ABCC6: variants seen among roughly 807,000 people sequenced by gnomAD.
ABCC6 encodes ATP binding cassette subfamily C member 6, also known as ATP-binding cassette sub-family C member 6.
In ABCC6, 126 loss-of-function variants were observed where a neutral mutation model predicts 169.5. The ratio of observed to expected loss-of-function variants is 0.74; its 90% CI spans 0.64 to 0.86. The LOEUF is 0.86. Among genes scored for constraint, ABCC6 ranks in the 40% least tolerant of loss-of-function variants. ABCC6 has a pLI of 0.00. For synonymous variants in ABCC6, 752 were observed against 814.7 expected, an observed-to-expected ratio of 0.92 and a Z score of 1.31; for missense variants, 1,733 against 1,927.2, an observed-to-expected ratio of 0.90 and a Z score of 1.89.
chr16:16,158,733 T>C (rs1161324006), intron 26 of ABCC6, among the ~76,000 whole-genome samples: 1 of 152,224 alleles, frequency 6.6e-6, no homozygotes, highest in African/African-American at 2.4e-5. Flanking sequence ...TACTGTTACA[T>C]TGCCATGTTG....
chr16:16,156,091 T>A (rs1314391968), intron 27 of ABCC6, among the ~76,000 whole-genome samples: 1 of 152,162 alleles, frequency 6.6e-6, no homozygotes, highest in Admixed American at 6.5e-5. Flanking sequence ...AATTTTTGTA[T>A]TTTTAGTAGA....
chr16:16,184,673 C>T (rs527742552), intron 15 of ABCC6, among the ~76,000 whole-genome samples: 2 of 152,242 alleles, frequency 1.3e-5, no homozygotes, highest in African/African-American at 4.8e-5. Context: ...CCCTTGGCAT[C>T]GTCTTGGCCA....
intron 11 of ABCC6, among the ~76,000 whole-genome samples, chr16:16,191,286 T>G (rs1343320915): frequency 1.3e-5 from 2 of 152,058 alleles, no homozygotes; most frequent in African/African-American, 4.8e-5. Flanking sequence ...CGGCTAAATT[T>G]TGTATTTTTT....
intron 9 of ABCC6, among the ~76,000 whole-genome samples, chr16:16,198,632 T>C (rs1043538404): frequency 5.3e-5 from 8 of 151,872 alleles, no homozygotes; most frequent in Non-Finnish European, 1.0e-4. Context: ...GAGGATTGCT[T>C]GATCCCAGGA....
At chr16:16,221,889 C>A (rs1252399141) in intron 1 of ABCC6, 58 bp from the exon 2 acceptor site, 1 of 1,611,908 alleles carries the variant, frequency 6.2e-7, no homozygotes, top group East Asian at 2.2e-5. Flanking sequence ...CCCAGCTCAC[C>A]TGCCCAGGGG....
chr16:16,187,074 C>T (rs763830752), intron 14 of ABCC6, 50 bp downstream of exon 14: 1 of 1,523,288 alleles, frequency 6.6e-7, no homozygotes, highest in Non-Finnish European at 9.0e-7. Flanking sequence ...TGGGGTGGCC[C>T]CCACATCCCC....
rs542611615 is a variant in ABCC6, at chr16:16,200,993, G to T, written c.1176+1008C>A. 1.9e-4 allele frequency among the ~76,000 whole-genome samples: 29 copies of T among 152,174 alleles called. No homozygotes were observed. In the South Asian group the frequency reaches 5.6e-3, roughly 29 times the overall value. On this transcript the variant is annotated intron_variant, in intron 9 of 30. Coordinates refer to ENST00000205557, the MANE Select transcript of ABCC6 (RefSeq NM_001171.6). ...TGTTTTTTTTTTGTTCTGAGACGAG[G>T]TCTCGCTCTCTTACCCAGGCTGCGC...
intron 10 of ABCC6, among the ~76,000 whole-genome samples, chr16:16,195,920 T>C (rs2048022343): frequency 6.6e-6 from 1 of 152,040 alleles, no homozygotes; most frequent in South Asian, 2.1e-4. Flanking sequence ...CATTAACAGT[T>C]TTTACAAGGC....
At chr16:16,212,716 G>T (rs995438981) in intron 5 of ABCC6, among the ~76,000 whole-genome samples, 2 of 151,940 alleles carry the variant, frequency 1.3e-5, no homozygotes, top group Non-Finnish European at 2.9e-5. Flanking sequence ...GTAAAAAGAG[G>T]TTGGGCCACA....
chr16:16,150,117 G>A lies in ABCC6; in HGVS notation c.*16C>T, dbSNP rs532797500. 22 of 1,611,858 alleles carry A rather than the reference G, an allele frequency of 1.4e-5. No homozygotes were observed. Among genetic ancestry groups the A allele is most frequent in the East Asian group, 8.9e-5 (4 of 44,884 alleles). On this transcript the variant is annotated 3_prime_UTR_variant, in exon 31 of 31. Transcript: ENST00000205557. ...GTGCGGGCTGGTCCAACTGGGGTAC[G>A]GTTGAGGGTCCTGGCTCAGACCAGG...
chr16:16,185,952 A>G (rs892832686), intron 14 of ABCC6, among the ~76,000 whole-genome samples: 2 of 152,186 alleles, frequency 1.3e-5, no homozygotes, highest in Non-Finnish European at 2.9e-5. Flanking sequence ...ATTCATCGTC[A>G]CAATTAGCTG....
intron 9 of ABCC6, 34 bp from the exon 10 acceptor site, chr16:16,198,216 G>A (rs2048120248): frequency 6.4e-7 from 1 of 1,558,478 alleles, no homozygotes; most frequent in East Asian, 2.4e-5. Flanking sequence ...AAGTAAAGTG[G>A]GGAGGCCGGG....
rs562553367 is a variant in ABCC6, at chr16:16,191,399, G to T, written c.1432-1032C>A. On this transcript the variant is annotated intron_variant, in intron 11 of 30. Coordinates refer to ENST00000205557, the MANE Select transcript of ABCC6 (RefSeq NM_001171.6). ...CCAAAGTGCTGGGATTACAGGTGTG[G>T]CCTCCCAAAGTGCTGGGATTACAGG... 2.0e-5 allele frequency among the ~76,000 whole-genome samples: 3 copies of T among 152,106 alleles called. No individual in the cohort carries two copies. The East Asian group carries it at 5.8e-4, about 29-fold the overall frequency.
chr16:16,203,123 G>C (rs1226918182), intron 8 of ABCC6, among the ~76,000 whole-genome samples: 1 of 152,174 alleles, frequency 6.6e-6, no homozygotes, highest in Non-Finnish European at 1.5e-5. Flanking sequence ...ACATTACCAT[G>C]AACTAAATAA....
intron 7 of ABCC6, 100 bp from the exon 8 acceptor site, chr16:16,203,713 T>C: frequency 3.1e-6 from 4 of 1,289,988 alleles, no homozygotes; most frequent in Non-Finnish European, 3.3e-6. Context: ...ACAGTGGAGA[T>C]GGGTGGGTGT....
intron 7 of ABCC6, among the ~76,000 whole-genome samples, chr16:16,204,818 T>G (rs2048342614): frequency 6.6e-6 from 1 of 150,938 alleles, no homozygotes. Context: ...TATCAGTAAT[T>G]TCTTTTTCTT....
rs995566220 is a variant in ABCC6 at position 16,191,973 on chromosome 16, T to G, written c.1431+857A>C. On this transcript the variant is annotated intron_variant, in intron 11 of 30. Transcript: ENST00000205557. ...AAGGCAATCAACCCTGCCGGGTGCTTCCTGTAGGACCCTGTAGGTTGTGGG... is the reference window on the plus strand; with the variant it reads ...AAGGCAATCAACCCTGCCGGGTGCTGCCTGTAGGACCCTGTAGGTTGTGGG... Among the ~76,000 whole-genome samples the G allele has an allele frequency of 6.6e-5, 10 of 152,280 alleles. 1 individual carries two copies. Among genetic ancestry groups the G allele is most frequent in the African/African-American group, 2.4e-4 (10 of 41,554 alleles).
chr16:16,155,026 G>A lies in ABCC6; in HGVS notation c.3888C>T (p.Gly1296=), dbSNP rs1236357759. 4 of 1,554,386 alleles carry A rather than the reference G, an allele frequency of 2.6e-6. No homozygotes were observed. In the African/African-American group the frequency reaches 5.4e-5, roughly 21 times the overall value. The stretch of plus-strand genomic sequence containing the variant: ...TCCCTGCCCCGGTCCTGCCAACGAT[G>A]CCCACCTGCCCGGGGTTGGGAGGAA... The part of the protein sequence containing the change: ...SFKIHAGEKV[G]IVGRTGAGKS... Residue 1296 remains glycine, a synonymous_variant, in exon 28 of 31, where the codon GGC becomes GGT. Coordinates refer to ENST00000205557, the MANE Select transcript of ABCC6 (RefSeq NM_001171.6).
intron 22 of ABCC6, among the ~76,000 whole-genome samples, chr16:16,166,502 T>A (rs1021755057): frequency 4.0e-5 from 6 of 149,440 alleles, no homozygotes; most frequent in Admixed American, 4.0e-4. Context: ...GATGGGAGGG[T>A]GTATCTACAA....
Sources: allele counts gnomAD v4.1 joint callset (sites outside exome capture counted in the v4.1 genomes callset), GRCh38; gene constraint gnomAD v4.1.1; transcripts MANE v1.5; gene names NCBI Gene and HGNC (gene_info 2026-07-23, HGNC 2026-07-21).